SLC4A4: variants seen among roughly 807,000 people sequenced by gnomAD.
The protein encoded by SLC4A4 is electrogenic sodium bicarbonate cotransporter 1.
SLC4A4 carries 27 observed loss-of-function variants against 111.5 expected under a neutral mutation model. The observed-to-expected ratio is 0.24, with a 90% CI of 0.18 to 0.33. The LOEUF is 0.33. Ranked by LOEUF, SLC4A4 falls within the 10% of genes least tolerant of loss-of-function variation. SLC4A4 has a pLI of 1.00. For missense variants in SLC4A4, 909 were observed against 1,315.5 expected, an observed-to-expected ratio of 0.69 and a Z score of 4.78; for synonymous variants, 443 against 463.4, an observed-to-expected ratio of 0.96 and a Z score of 0.57.
chr4:71,172,614 G>C (rs550112707), intron 2 of SLC4A4, among the ~76,000 whole-genome samples: 1 of 152,350 alleles, frequency 6.6e-6, no homozygotes, highest in East Asian at 1.9e-4. Context: ...GTTTAAGCAA[G>C]TAAAAATTGC....
intron 7 of SLC4A4, among the ~76,000 whole-genome samples, chr4:71,420,412 G>A (rs1347810580): frequency 2.6e-5 from 4 of 152,280 alleles, no homozygotes; most frequent in Middle Eastern, 6.8e-3. Context: ...AAAACACTCT[G>A]CAGGATATTA....
chr4:71,556,725 T>C (rs1013878579), intron 21 of SLC4A4, among the ~76,000 whole-genome samples: 1 of 151,950 alleles, frequency 6.6e-6, no homozygotes, highest in African/African-American at 2.4e-5. Flanking sequence ...CCAAACTTTA[T>C]AAATGAGAAG....
At chr4:71,454,495 C>T (rs1196598569) in intron 12 of SLC4A4, among the ~76,000 whole-genome samples, 1 of 151,960 alleles carries the variant, frequency 6.6e-6, no homozygotes, top group Non-Finnish European at 1.5e-5. Context: ...TTCCACTTTA[C>T]TATATATTAT....
At position 71,208,385 on chromosome 4, in the gene SLC4A4, C is replaced by G. The variant is rs1214657914; in HGVS notation, c.-2+20984C>G. The stretch of plus-strand genomic sequence containing the variant: ...GGCGGAGCTTGCAGTGAGCTGAGAT[C>G]GCACCACTGCACTCCAGCCTGGGCG... On this transcript the variant is annotated intron_variant, in intron 1 of 25. Transcript: ENST00000264485. Among the ~76,000 whole-genome samples, 4 of 150,504 alleles carry G rather than the reference C, an allele frequency of 2.7e-5. No individual in the cohort carries two copies. In the East Asian group the frequency reaches 7.8e-4, roughly 30 times the overall value.
At chr4:71,093,666 ATTG>A (rs33929741) in intron 2 of SLC4A4, among the ~76,000 whole-genome samples, 10,773 of 152,032 alleles carry the variant, frequency 0.071, 411 homozygotes, top group South Asian at 0.13. Flanking sequence ...AATGATTGCT[ATTG>A]TTGTTGTTGG....
intron 3 of SLC4A4, among the ~76,000 whole-genome samples, chr4:71,285,427 T>C (rs1166255635): frequency 6.6e-6 from 1 of 152,090 alleles, no homozygotes; most frequent in African/African-American, 2.4e-5. Flanking sequence ...TTGCCTGTAT[T>C]GATCACAGTC....
intron 2 of SLC4A4, among the ~76,000 whole-genome samples, chr4:71,171,313 A>G (rs1298293610): frequency 6.6e-6 from 1 of 152,128 alleles, no homozygotes; most frequent in Non-Finnish European, 1.5e-5. Flanking sequence ...TCAAGGACCA[A>G]GTGGTGCCAA....
intron 2 of SLC4A4, among the ~76,000 whole-genome samples, chr4:71,145,443 A>C (rs1050141855): frequency 9.2e-5 from 14 of 152,208 alleles, no homozygotes; most frequent in African/African-American, 2.9e-4. Context: ...CTTTGGTATC[A>C]GGATGATGCT....
At chr4:71,368,270 A>G (rs1731517928) in intron 6 of SLC4A4, among the ~76,000 whole-genome samples, 1 of 152,218 alleles carries the variant, frequency 6.6e-6, no homozygotes, top group African/African-American at 2.4e-5. Flanking sequence ...CTGTATATGT[A>G]GCCTGCAACA....
chr4:71,554,062 C>T (rs1287689005), intron 20 of SLC4A4, among the ~76,000 whole-genome samples: 1 of 151,844 alleles, frequency 6.6e-6, no homozygotes, highest in Non-Finnish European at 1.5e-5. Flanking sequence ...TTAGAATTTA[C>T]TCATTCTCTA....
At chr4:71,307,980 C>A (rs1400800127) in intron 3 of SLC4A4, among the ~76,000 whole-genome samples, 1 of 152,154 alleles carries the variant, frequency 6.6e-6, no homozygotes, top group Non-Finnish European at 1.5e-5. Context: ...AAACACACAC[C>A]TGATTCTGCC....
chr4:71,152,975 GTAAATATATATGTGTATATA>G lies in SLC4A4; in HGVS notation c.-2+60206_-2+60225del, dbSNP rs1384821285. Among the ~76,000 whole-genome samples, 999 of 134,800 alleles carry G rather than the reference GTAAATATATATGTGTATATA, an allele frequency of 7.4e-3. 14 individuals are homozygous for G. Among genetic ancestry groups the G allele is most frequent in the African/African-American group, 0.026 (907 of 35,380 alleles). 88.4% of individuals were successfully genotyped at this position (134,800 alleles called of 152,430 possible). A position where few individuals can be genotyped will look rare whatever the true frequency, so the allele number is the denominator to read the frequency against. ...TATATGTGTGTGTGTGTATATATATGTAAATATATATGTGTATATATAAATATATATGTGTATATATATAA... is the reference window on the plus strand; with the variant it reads ...TATATGTGTGTGTGTGTATATATATGTAAATATATATGTGTATATATATAA... On this transcript the variant is annotated intron_variant, in intron 2 of 26. Coordinates refer to the SLC4A4 transcript ENST00000649996.
At chr4:71,532,748 G>C (rs2149211438) in intron 17 of SLC4A4, among the ~76,000 whole-genome samples, 1 of 152,166 alleles carries the variant, frequency 6.6e-6, no homozygotes, top group South Asian at 2.1e-4. Flanking sequence ...ATAAAGTTAA[G>C]ATTGAAGCTC....
chr4:71,552,390 CAT>C (rs963190194), intron 20 of SLC4A4, among the ~76,000 whole-genome samples: 3 of 151,740 alleles, frequency 2.0e-5, no homozygotes, highest in Non-Finnish European at 4.4e-5. Flanking sequence ...CACACACACA[CAT>C]ACAGTGACGA....
chr4:71,310,645 C>T (rs1726063633), intron 3 of SLC4A4, among the ~76,000 whole-genome samples: 1 of 152,154 alleles, frequency 6.6e-6, no homozygotes, highest in Non-Finnish European at 1.5e-5. Flanking sequence ...GGGATTTTGT[C>T]ACCACCAGGC....
At chr4:71,171,772 T>C (rs1191691994) in intron 2 of SLC4A4, among the ~76,000 whole-genome samples, 1 of 152,234 alleles carries the variant, frequency 6.6e-6, no homozygotes, top group Non-Finnish European at 1.5e-5. Flanking sequence ...CTGGTCTTTA[T>C]TCCAAATAGT....
chr4:71,383,052 T>C (rs1578971572), intron 6 of SLC4A4, among the ~76,000 whole-genome samples: 1 of 152,332 alleles, frequency 6.6e-6, no homozygotes, highest in East Asian at 1.9e-4. Flanking sequence ...CAGTGAAGCA[T>C]TCCCACAGCT....
At chr4:71,355,656 C>T (rs773485939) in intron 5 of SLC4A4, among the ~76,000 whole-genome samples, 1 of 152,164 alleles carries the variant, frequency 6.6e-6, no homozygotes, top group East Asian at 1.9e-4. Context: ...GTTGATAGTA[C>T]ATTGTGTAAA....
intron 23 of SLC4A4, among the ~76,000 whole-genome samples, chr4:71,562,407 G>A (rs890867707): frequency 1.3e-5 from 2 of 151,582 alleles, no homozygotes; most frequent in Non-Finnish European, 3.0e-5. Flanking sequence ...GGAGTCATGC[G>A]GGGACATGAG....
Sources: allele counts gnomAD v4.1 joint callset (sites outside exome capture counted in the v4.1 genomes callset), GRCh38; gene constraint gnomAD v4.1.1; transcripts MANE v1.5; gene names NCBI Gene and HGNC (gene_info 2026-07-23, HGNC 2026-07-21).